Variants in FLT4 observed in about 807,000 individuals in gnomAD.
The protein encoded by FLT4 is fms related receptor tyrosine kinase 4.
Under a neutral mutation model 163.2 loss-of-function variants are expected in FLT4, and 30 were observed. The ratio of observed to expected loss-of-function variants is 0.18; its 90% CI spans 0.14 to 0.25. FLT4 has a LOEUF of 0.25. Ranked by LOEUF, FLT4 falls within the 10% of genes least tolerant of loss-of-function variation. The pLI, the probability that FLT4 is intolerant of heterozygous loss-of-function variation, is 1.00. For synonymous variants in FLT4, 884 were observed against 789.5 expected, an observed-to-expected ratio of 1.12 and a Z score of -2.01; for missense variants, 1,510 against 1,863.8, an observed-to-expected ratio of 0.81 and a Z score of 3.50.
chr5:180,608,980 T>C lies in FLT4; in HGVS notation c.3881A>G (p.Glu1294Gly). The change falls in exon 29 of 30, where the codon GAA (glutamate) becomes GGA (glycine). Residue 1294 changes from glutamate to glycine, a missense_variant. Physicochemically the swap from Glu to Gly is moderately conservative, Grantham distance 98. Transcript: ENST00000261937. ...ACGAAGCCCTTACCTGAAGCCGCTTTCTTGTCTATGCCTGCTCTCTATCTG... is the reference window on the plus strand; with the variant it reads ...ACGAAGCCCTTACCTGAAGCCGCTTCCTTGTCTATGCCTGCTCTCTATCTG... ...FEQIESRHRQ[E>G]SGFSCKGPGQ... is the part of the protein sequence containing the mutation. 6.2e-7 allele frequency: 1 copy of C among 1,614,092 alleles called. No individual in the cohort carries two copies. Among genetic ancestry groups the C allele is most frequent in the African/African-American group, 1.3e-5 (1 of 75,048 alleles).
intron 6 of FLT4, 80 bp downstream of exon 6, chr5:180,629,616 C>T: frequency 6.5e-7 from 1 of 1,533,320 alleles, no homozygotes; most frequent in East Asian, 2.3e-5. Context: ...CACACATCCT[C>T]CACGCGGAGG....
intron 2 of FLT4, among the ~76,000 whole-genome samples, chr5:180,631,263 G>A (rs939056484): frequency 6.6e-6 from 1 of 151,970 alleles, no homozygotes; most frequent in African/African-American, 2.4e-5. Flanking sequence ...TACGAGGTCA[G>A]GAGATCAAGA....
At chr5:180,621,356 T>A in intron 13 of FLT4, 104 bp from the exon 14 acceptor site, 1 of 1,451,182 alleles carries the variant, frequency 6.9e-7, no homozygotes. Context: ...AAGCTGGACT[T>A]AGGGGTTGTG....
intron 23 of FLT4, among the ~76,000 whole-genome samples, chr5:180,615,921 G>GT (rs1316674045): frequency 8.0e-5 from 4 of 49,846 alleles, no homozygotes; most frequent in Non-Finnish European, 1.7e-4. Flanking sequence ...GGCCCCGCCG[G>GT]TCACCTCCCT....
chr5:180,606,938 C>T (rs1035059841), intron 29 of FLT4, among the ~76,000 whole-genome samples: 16 of 150,602 alleles, frequency 1.1e-4, no homozygotes, highest in African/African-American at 2.5e-4. Flanking sequence ...CTTAGCTGGG[C>T]GTGGTGGCAC....
intron 1 of FLT4, among the ~76,000 whole-genome samples, chr5:180,642,395 T>A (rs1043329049): frequency 6.6e-6 from 1 of 151,776 alleles, no homozygotes; most frequent in African/African-American, 2.4e-5. Context: ...GTAGACTGAT[T>A]AGGAGCTTGC....
Position 180,619,913 on chromosome 5 carries a change from G to A in FLT4, c.2543-144C>T, listed in dbSNP as rs150433455. On this transcript the variant is annotated intron_variant, in intron 17 of 29. Transcript: ENST00000261937. Reference sequence around the variant, plus strand: ...TGGGGAGCCACAGCGGGAAGACAAGGAGAGGTGGACAGGAGGCCGCGCATC... The same window carrying A: ...TGGGGAGCCACAGCGGGAAGACAAGAAGAGGTGGACAGGAGGCCGCGCATC... 9.8e-5 allele frequency: 69 copies of A among 702,978 alleles called. 2 individuals are homozygous for A. The East Asian group carries it at 1.8e-3, about 18-fold the overall frequency. 43.5% of individuals were successfully genotyped at this position (702,978 alleles called of 1,614,324 possible). A position where few individuals can be genotyped will look rare whatever the true frequency, so the allele number is the denominator to read the frequency against.
chr5:180,630,790 G>A lies in FLT4; in HGVS notation c.165C>T (p.His55=), dbSNP rs781067773. ...CTCCTGGCCAAGCCCACTCGAGGGG[G>A]TGCTGTCCCCTGGCAGAGGACAGGA... ...DSLSISCRGQ[H]PLEWAWPGAQ... Residue 55 remains histidine (H), a synonymous_variant, in exon 3 of 30, where the codon CAC becomes CAT. Transcript: ENST00000261937. This position sits in a 1 kb window ranked among gnomAD's most constrained non-coding sequence, Gnocchi z 6.3. 3.7e-6 allele frequency: 6 copies of A among 1,603,532 alleles called. No individual in the cohort carries two copies. In the Admixed American group the frequency reaches 8.3e-5, roughly 22 times the overall value.
At position 180,645,967 on chromosome 5, in the gene FLT4, G is replaced by A. The variant is rs749533639; in HGVS notation, c.58+3521C>T. Among the ~76,000 whole-genome samples the A allele has an allele frequency of 5.3e-5, 8 of 152,290 alleles. 1 individual carries two copies. The highest frequency in any genetic ancestry group is 6.8e-3 in the Middle Eastern group (2 of 294). On this transcript the variant is annotated intron_variant, in intron 1 of 29. Transcript: ENST00000261937. ...GACGTGGGGCACAGGCTAGGCCTTGGTGGAGAGAAAACTGCCCTGTGGAGG... is the reference window on the plus strand; with the variant it reads ...GACGTGGGGCACAGGCTAGGCCTTGATGGAGAGAAAACTGCCCTGTGGAGG...
At chr5:180,611,656 G>C (rs765388423) in intron 26 of FLT4, 177 bp from the exon 27 acceptor site, 3 of 669,390 alleles carry the variant, frequency 4.5e-6, no homozygotes, top group Non-Finnish European at 5.1e-6. Context: ...CTCTGCCCTC[G>C]GGACTGCTTG....
chr5:180,602,859 C>T lies in FLT4; in HGVS notation c.*333G>A. 1 of 578,064 alleles carries T rather than the reference C, an allele frequency of 1.7e-6. No homozygotes were observed. Among genetic ancestry groups the T allele is most frequent in the Non-Finnish European group, 3.1e-6 (1 of 325,964 alleles). The allele number at this position is 578,064 out of a possible 1,614,324, so 35.8% of individuals were successfully genotyped here. A position where few individuals can be genotyped will look rare whatever the true frequency, so the allele number is the denominator to read the frequency against. Reference sequence around the variant, plus strand: ...GGAAAACAGGGACCAGGCCACCACCCAGTGTGATGAAAGGAGGTCGCCAAA... The same window carrying T: ...GGAAAACAGGGACCAGGCCACCACCTAGTGTGATGAAAGGAGGTCGCCAAA... On this transcript the variant is annotated 3_prime_UTR_variant, in exon 30 of 30. Coordinates refer to ENST00000261937, the MANE Select transcript of FLT4 (RefSeq NM_182925.5).
intron 1 of FLT4, among the ~76,000 whole-genome samples, chr5:180,646,022 A>G (rs1765474497): frequency 6.6e-6 from 1 of 152,144 alleles, no homozygotes; most frequent in Admixed American, 6.5e-5. Flanking sequence ...GGAGTAAGCC[A>G]GACACAGAGA....
In FLT4 at chr5:180,612,477, T is replaced by C. The variant is rs374827068; in HGVS notation, c.3537+29A>G. The C allele has an allele frequency of 9.7e-4, 1,491 of 1,542,170 alleles. 1 individual carries two copies. Among genetic ancestry groups the C allele is most frequent in the Non-Finnish European group, 1.3e-3 (1,437 of 1,114,690 alleles). ...GACCCAGGGCAGGGGCCAAAGGCCA[T>C]AGTAGAACAGGGTGGGGAAGGGGCT... is the stretch of plus-strand genomic sequence containing the variant. On this transcript the variant is annotated intron_variant, in intron 26 of 29. Transcript: ENST00000261937.
At position 180,630,516 on chromosome 5, in the gene FLT4, C is replaced by CG; in HGVS notation, c.400+38dup. The CG allele has an allele frequency of 6.2e-7, 1 of 1,610,872 alleles. No individual in the cohort carries two copies. Among genetic ancestry groups the CG allele is most frequent in the Non-Finnish European group, 8.5e-7 (1 of 1,179,412 alleles). ...GGGGGCGGTGTGGGCCCCAGCTGCC[C>CG]GGGACCCTGCTCCAGCCTGGCCCGC... is the stretch of plus-strand genomic sequence containing the variant. On this transcript the variant is annotated intron_variant, in intron 3 of 29. Coordinates refer to ENST00000261937, the MANE Select transcript of FLT4 (RefSeq NM_182925.5). This position sits in a 1 kb window ranked among gnomAD's most constrained non-coding sequence, Gnocchi z 6.3.
rs757907912 is a variant in FLT4 at position 180,628,846 on chromosome 5, G to A, written c.1103+36C>T. The A allele has an allele frequency of 5.6e-6, 8 of 1,426,688 alleles. No homozygotes were observed. In the African/African-American group the frequency reaches 8.4e-5, roughly 15 times the overall value. 88.4% of individuals were successfully genotyped at this position (1,426,688 alleles called of 1,614,324 possible). ...CTGTTTTGCCCCTGGACTTGGAAGGGTATCGGCGGGGTCGGTGGGGAGCCA... is the reference window on the plus strand; with the variant it reads ...CTGTTTTGCCCCTGGACTTGGAAGGATATCGGCGGGGTCGGTGGGGAGCCA... On this transcript the variant is annotated intron_variant, in intron 8 of 29. Transcript: ENST00000261937.
At chr5:180,616,337 C>A (rs757107065) in intron 23 of FLT4, 30 bp downstream of exon 23, 2 of 1,613,642 alleles carry the variant, frequency 1.2e-6, no homozygotes, top group Non-Finnish European at 1.7e-6. Flanking sequence ...TTCCGCCCCA[C>A]GTTCCCTCTC....
intron 27 of FLT4, among the ~76,000 whole-genome samples, chr5:180,610,248 G>A (rs1234992565): frequency 2.0e-5 from 3 of 152,216 alleles, no homozygotes; most frequent in Admixed American, 6.5e-5. Context: ...GTTTCCTCCC[G>A]AGTCCACTGC....
In FLT4 at chr5:180,612,569, C is replaced by T. The variant is rs887043029; in HGVS notation, c.3474G>A (p.Ala1158=). ...MLNCWSGDPK[A]RPAFSELVEI... The stretch of plus-strand genomic sequence containing the variant: ...CCACCAGCTCCGAGAATGCAGGTCT[C>T]GCCTTGGGGTCTCCGGACCAGCAGT... The change falls in exon 26 of 30, where the codon GCG becomes GCA. Residue 1158 remains alanine (A), a synonymous_variant. Coordinates refer to ENST00000261937, the MANE Select transcript of FLT4 (RefSeq NM_182925.5). The T allele has an allele frequency of 8.1e-6, 13 of 1,613,984 alleles. No homozygotes were observed. The highest frequency in any genetic ancestry group is 1.7e-5 in the Admixed American group (1 of 60,010).
Position 180,603,158 on chromosome 5 carries a change from A to G in FLT4, c.*34T>C. ...CCTCTGCCCGCCCTGCCGGGCCTGA[A>G]CCCCCAAGTGCTGGGGGTCTTGTCC... On this transcript the variant is annotated 3_prime_UTR_variant, in exon 30 of 30. Coordinates refer to ENST00000261937, the MANE Select transcript of FLT4 (RefSeq NM_182925.5). 6.2e-7 allele frequency: 1 copy of G among 1,609,816 alleles called. No individual in the cohort carries two copies.
Sources: allele counts gnomAD v4.1 joint callset (sites outside exome capture counted in the v4.1 genomes callset), GRCh38; gene constraint gnomAD v4.1.1; non-coding constraint Gnocchi (gnomAD v3.1); transcripts MANE v1.5; gene names NCBI Gene and HGNC (gene_info 2026-07-23, HGNC 2026-07-21).